Variants in LNP1 observed in about 807,000 individuals in gnomAD.
The protein encoded by LNP1 is leukemia NUP98 fusion partner 1.
In LNP1, 12 loss-of-function variants were observed where a neutral mutation model predicts 14.5. That is an observed-to-expected ratio of 0.83 (90% CI 0.53 to 1.34). The LOEUF (loss-of-function observed/expected upper bound fraction) is 1.34. Ranked by LOEUF, LNP1 falls within the 40% of genes most tolerant of loss-of-function variation. The pLI, the probability that LNP1 is intolerant of heterozygous loss-of-function variation, is 0.00. For synonymous variants in LNP1, 75 were observed against 71.4 expected (o/e 1.05, Z -0.26); for missense variants, 198 against 210.9 (o/e 0.94, Z 0.38).
At chr3:100,411,107 A>G (rs916377078) in intron 1 of LNP1, among the ~76,000 whole-genome samples, 3 of 152,164 alleles carry the variant, frequency 2.0e-5, no homozygotes, top group Non-Finnish European at 4.4e-5. Flanking sequence ...GTTGAACCCA[A>G]GAGGGTTATT....
chr3:100,422,586 G>A (rs1387671842), intron 1 of LNP1, among the ~76,000 whole-genome samples: 1 of 152,058 alleles, frequency 6.6e-6, no homozygotes, highest in Non-Finnish European at 1.5e-5. Flanking sequence ...TTTCATCTTT[G>A]GCAGATGAGA....
intron 1 of LNP1, among the ~76,000 whole-genome samples, chr3:100,412,151 A>C (rs1707037387): frequency 6.6e-6 from 1 of 152,218 alleles, no homozygotes; most frequent in South Asian, 2.1e-4. Flanking sequence ...CTAGATCAAA[A>C]CACGGCAGAA....
At chr3:100,408,956 A>G (rs1008173981) in intron 1 of LNP1, among the ~76,000 whole-genome samples, 1 of 152,206 alleles carries the variant, frequency 6.6e-6, no homozygotes, top group Admixed American at 6.5e-5. Context: ...TTATACATAG[A>G]TAGTTGTTCA....
chr3:100,447,600 TA>T (rs921016626), intron 2 of LNP1, among the ~76,000 whole-genome samples: 3 of 140,044 alleles, frequency 2.1e-5, no homozygotes, highest in Admixed American at 1.4e-4. Context: ...AAGTATAATT[TA>T]AAAAAAAAGA....
At chr3:100,442,107 A>C (rs1707349201) in intron 2 of LNP1, among the ~76,000 whole-genome samples, 2 of 152,230 alleles carry the variant, frequency 1.3e-5, no homozygotes, top group Admixed American at 1.3e-4. Flanking sequence ...GCTCCATTAA[A>C]AAATTTTAAA....
intron 1 of LNP1, among the ~76,000 whole-genome samples, chr3:100,416,646 T>G (rs1457283693): frequency 1.3e-5 from 2 of 148,942 alleles, no homozygotes; most frequent in African/African-American, 4.9e-5. Flanking sequence ...TGTGTGTGTG[T>G]GGTGTTTTTG....
intron 1 of LNP1, among the ~76,000 whole-genome samples, chr3:100,427,798 G>A (rs1271299775): frequency 6.6e-6 from 1 of 152,222 alleles, no homozygotes; most frequent in Non-Finnish European, 1.5e-5. Context: ...TTCCAGTGAA[G>A]TCCCACAGGA....
chr3:100,432,010 AT>A (rs1165560704), intron 2 of LNP1, among the ~76,000 whole-genome samples: 4 of 14,714 alleles, frequency 2.7e-4, no homozygotes, highest in African/African-American at 8.5e-4. Context: ...ATATATATAT[AT>A]ATATATATAT....
intron 1 of LNP1, among the ~76,000 whole-genome samples, chr3:100,416,219 A>G (rs1360184160): frequency 6.6e-6 from 1 of 152,164 alleles, no homozygotes; most frequent in African/African-American, 2.4e-5. Context: ...ATTAGTTGGA[A>G]TATTTTTATA....
At chr3:100,405,664 C>G (rs1336931337) in intron 1 of LNP1, among the ~76,000 whole-genome samples, 1 of 152,130 alleles carries the variant, frequency 6.6e-6, no homozygotes, top group Non-Finnish European at 1.5e-5. Context: ...ATGATCTAAT[C>G]ACTTCCCAAA....
intron 1 of LNP1, among the ~76,000 whole-genome samples, chr3:100,418,310 G>A (rs752498879): frequency 6.6e-6 from 1 of 150,996 alleles, no homozygotes; most frequent in East Asian, 1.9e-4. Context: ...CAACTGCCTC[G>A]GCCTCCCAAA....
rs578136237 is a variant in LNP1 at position 100,447,396 on chromosome 3, C to G, written c.157-4323C>G. Among the ~76,000 whole-genome samples the G allele has an allele frequency of 4.6e-5, 7 of 151,992 alleles. No individual in the cohort carries two copies. The East Asian group carries it at 7.7e-4, about 17-fold the overall frequency. ...TTCTCACTCATAGGTGGGAATTGAA[C>G]AATGAGATCACTTGGACACAGTGGG... On this transcript the variant is annotated intron_variant, in intron 2 of 3. Transcript: ENST00000383693.
chr3:100,429,753 T>C lies in LNP1; in HGVS notation c.24T>C (p.Asp8=), dbSNP rs943950466. The stretch of plus-strand genomic sequence containing the variant: ...ACATGGAGCACAAAGATGATGATGA[T>C]GATGATGTGTCTTTTGCCAAATGGA... MEHKDDD[D]DDVSFAKWMS... is the part of the protein sequence containing the mutation. The change falls in exon 2 of 4, where the codon GAT becomes GAC. Residue 8 remains aspartate, a synonymous_variant. Transcript: ENST00000383693. 6 of 1,613,910 alleles carry C rather than the reference T, an allele frequency of 3.7e-6. No individual in the cohort carries two copies. The highest frequency in any genetic ancestry group is 5.1e-6 in the Non-Finnish European group (6 of 1,179,900).
intron 1 of LNP1, among the ~76,000 whole-genome samples, chr3:100,415,097 A>T (rs1559840362): frequency 2.0e-5 from 3 of 152,220 alleles, no homozygotes; most frequent in Non-Finnish European, 4.4e-5. Context: ...GAATATCTTG[A>T]TGACTTTGTG....
chr3:100,409,626 T>C (rs1435201659), intron 1 of LNP1, among the ~76,000 whole-genome samples: 1 of 141,490 alleles, frequency 7.1e-6, no homozygotes. Context: ...TTTTTGAGTC[T>C]CACTCTTATA....
At position 100,456,017 on chromosome 3, in the gene LNP1, G is replaced by A. The variant is rs1244975604; in HGVS notation, c.*91G>A. The A allele has an allele frequency of 2.4e-5, 33 of 1,398,272 alleles. No homozygotes were observed. Among genetic ancestry groups the A allele is most frequent in the Middle Eastern group, 3.8e-4 (2 of 5,296 alleles). 86.6% of individuals were successfully genotyped at this position (1,398,272 alleles called of 1,614,324 possible). ...ACCATTTCAGGATGTGGATGGGGGC[G>A]GGGTTGGGGGTAAAAACAGCTATAA... On this transcript the variant is annotated 3_prime_UTR_variant, in exon 4 of 4. Coordinates refer to ENST00000383693, the MANE Select transcript of LNP1 (RefSeq NM_001085451.2).
chr3:100,421,844 G>A (rs1012893672), intron 1 of LNP1, among the ~76,000 whole-genome samples: 1 of 152,102 alleles, frequency 6.6e-6, no homozygotes, highest in South Asian at 2.1e-4. Flanking sequence ...GGAGGTTCAA[G>A]TTTTTTTGTT....
chr3:100,402,479 T>C (rs74465667), intron 1 of LNP1, 40 bp downstream of exon 1: 2 of 152,188 alleles, frequency 1.3e-5, no homozygotes, highest in Non-Finnish European at 2.9e-5. Context: ...GCAATAGGGT[T>C]TCTTAGCAAC....
At chr3:100,413,457 T>A (rs1181117952) in intron 1 of LNP1, among the ~76,000 whole-genome samples, 9 of 152,216 alleles carry the variant, frequency 5.9e-5, no homozygotes, top group African/African-American at 2.2e-4. Flanking sequence ...AACACTAGTT[T>A]CCTCTCCTTA....
Sources: allele counts gnomAD v4.1 joint callset (sites outside exome capture counted in the v4.1 genomes callset), GRCh38; gene constraint gnomAD v4.1.1; transcripts MANE v1.5; gene names NCBI Gene and HGNC (gene_info 2026-07-23, HGNC 2026-07-21).